ZNF182: variants seen among roughly 807,000 people sequenced by gnomAD.
ZNF182 encodes zinc finger protein 182, also known as zinc finger protein 21 (KOX 14).
In ZNF182, 10 loss-of-function variants were observed where a neutral mutation model predicts 28.1. That is an observed-to-expected ratio of 0.36 (90% CI 0.22 to 0.60). The LOEUF (loss-of-function observed/expected upper bound fraction) is 0.60, where lower values mean the gene tolerates loss of function less well. ZNF182 is among the 20% of genes least tolerant of loss of function. The pLI is 0.75. For missense variants in ZNF182, 352 were observed against 453.2 expected (o/e 0.78, Z 2.03); for synonymous variants, 156 against 158.7 (o/e 0.98, Z 0.13).
chrX:47,990,290 C>T (rs1421337507), intron 3 of ZNF182, among the ~76,000 whole-genome samples: 3 of 111,168 alleles, frequency 2.7e-5, no homozygotes, highest in African/African-American at 6.6e-5. Flanking sequence ...AAGAGACTGA[C>T]GGGCTTCTCA....
At chrX:47,984,451 GA>G (rs1295491143) in intron 3 of ZNF182, among the ~76,000 whole-genome samples, 7 of 110,995 alleles carry the variant, frequency 6.3e-5, no homozygotes, top group Non-Finnish European at 1.3e-4. Context: ...ATGTGCTCTA[GA>G]AAACAAATAT....
At chrX:47,981,067 TG>T (rs1356074370) in intron 5 of ZNF182, among the ~76,000 whole-genome samples, 2 of 112,225 alleles carry the variant, frequency 1.8e-5, no homozygotes, top group East Asian at 5.5e-4. Flanking sequence ...AAATTTGATT[TG>T]GAAATATTAA....
chrX:47,975,263 G>T lies in ZNF182; in HGVS notation c.*904C>A, dbSNP rs1339871255. 9.1e-6 allele frequency: 1 copy of T among 109,582 alleles called. No homozygotes were observed. Among genetic ancestry groups the T allele is most frequent in the Non-Finnish European group, 1.9e-5 (1 of 52,629 alleles). The allele number at this position is 109,582 out of a possible 1,213,427, so 9.0% of individuals were successfully genotyped here. On this transcript the variant is annotated 3_prime_UTR_variant, in exon 6 of 6. Transcript: ENST00000376943. Reference sequence around the variant, plus strand: ...TAGGGAACCAGAACCCTGATATGGTGTCATTTAAACAGCTTCCAATCTTTT... The same window carrying T: ...TAGGGAACCAGAACCCTGATATGGTTTCATTTAAACAGCTTCCAATCTTTT...
In ZNF182 at chrX:47,976,197, G is replaced by A. The variant is rs782726613; in HGVS notation, c.1833C>T (p.His611=). Residue 611 remains histidine, a synonymous_variant, in exon 6 of 6, where the codon CAC becomes CAT. Transcript: ENST00000376943. Reference sequence around the variant, plus strand: ...GTGCCATGAACTTTGACTTCCGAGTGTGGCCTCTTCCATGGGCTTTCTTTC... The same window carrying A: ...GTGCCATGAACTTTGACTTCCGAGTATGGCCTCTTCCATGGGCTTTCTTTC... ...HAGKKAHGRG[H]TRKSKFMAH is the part of the protein sequence containing the mutation. 1.7e-6 allele frequency: 2 copies of A among 1,162,953 alleles called. No individual in the cohort carries two copies. Among genetic ancestry groups the A allele is most frequent in the Admixed American group, 5.5e-5 (2 of 36,462 alleles).
At chrX:47,983,136 G>T in intron 4 of ZNF182, 98 bp from the exon 5 acceptor site, 1 of 1,102,145 alleles carries the variant, frequency 9.1e-7, no homozygotes. Flanking sequence ...TCTATTGCTT[G>T]ACATAATGGT....
In ZNF182 at chrX:47,976,185, T is replaced by C. The variant is rs1556898045; in HGVS notation, c.1845A>G (p.Ser615=). The C allele has an allele frequency of 1.7e-6, 2 of 1,155,735 alleles. No homozygotes were observed. The highest frequency in any genetic ancestry group is 4.2e-5 in the South Asian group (2 of 47,427). Reference sequence around the variant, plus strand: ...TAGCTCTCTAATGTGCCATGAACTTTGACTTCCGAGTGTGGCCTCTTCCAT... The same window carrying C: ...TAGCTCTCTAATGTGCCATGAACTTCGACTTCCGAGTGTGGCCTCTTCCAT... ...KAHGRGHTRK[S]KFMAH The change falls in exon 6 of 6, where the codon TCA becomes TCG. Residue 615 remains serine (S), a synonymous_variant. Transcript: ENST00000376943.
At chrX:47,986,326 T>C (rs1268823944) in intron 3 of ZNF182, among the ~76,000 whole-genome samples, 1 of 112,861 alleles carries the variant, frequency 8.9e-6, no homozygotes, top group African/African-American at 3.2e-5. Context: ...TGTCTGTGCA[T>C]GTTTACACCT....
intron 3 of ZNF182, among the ~76,000 whole-genome samples, chrX:47,984,029 T>C (rs2058915755): frequency 9.0e-6 from 1 of 111,702 alleles, no homozygotes; most frequent in Non-Finnish European, 1.9e-5. Flanking sequence ...CTGGCAATAT[T>C]CATGAGGGAT....
intron 5 of ZNF182, among the ~76,000 whole-genome samples, chrX:47,982,575 A>G (rs782271456): frequency 8.9e-6 from 1 of 112,357 alleles, no homozygotes; most frequent in South Asian, 3.7e-4. Flanking sequence ...AGGTTGTTCA[A>G]TCTGAAATTA....
At chrX:47,981,538 G>A (rs1556899097) in intron 5 of ZNF182, among the ~76,000 whole-genome samples, 2 of 112,598 alleles carry the variant, frequency 1.8e-5, no homozygotes, top group African/African-American at 3.2e-5. Flanking sequence ...CACTGAGCCT[G>A]TCTTTTCTGT....
chrX:47,999,565 G>T (rs1213434972), intron 3 of ZNF182, among the ~76,000 whole-genome samples: 1 of 109,553 alleles, frequency 9.1e-6, no homozygotes, highest in Non-Finnish European at 1.9e-5. Flanking sequence ...GGGAAGGGTT[G>T]CGGGGTGGGT....
intron 2 of ZNF182, among the ~76,000 whole-genome samples, chrX:48,002,993 G>A (rs1393768437): frequency 8.9e-6 from 1 of 111,796 alleles, no homozygotes; most frequent in Non-Finnish European, 1.9e-5. Context: ...AAACTTAAAC[G>A]ATCCTCTATG....
chrX:47,980,706 G>C (rs1415401587), intron 5 of ZNF182, among the ~76,000 whole-genome samples: 2 of 111,456 alleles, frequency 1.8e-5, no homozygotes, highest in Non-Finnish European at 3.8e-5. Context: ...TTTTAATAAA[G>C]GTTACCTATG....
chrX:47,997,757 G>A (rs1027973019), intron 3 of ZNF182, among the ~76,000 whole-genome samples: 8 of 109,813 alleles, frequency 7.3e-5, no homozygotes, highest in Admixed American at 1.9e-4. Context: ...GCACCACTAC[G>A]CTCCAGCCTG....
rs782469910 is a variant in ZNF182 at position 47,986,199 on chromosome X, A to G, written c.16-2788T>C. Among the ~76,000 whole-genome samples the G allele has an allele frequency of 3.7e-4, 42 of 112,696 alleles. 1 individual carries two copies. In the South Asian group the frequency reaches 0.015, roughly 41 times the overall value. ...GAGGTATTTGCTGAAGGCAAGGGGA[A>G]TACAGAATGGATAGTAGAAGAAGGA... On this transcript the variant is annotated intron_variant, in intron 3 of 5. Coordinates refer to ENST00000376943, the MANE Select transcript of ZNF182 (RefSeq NM_001007088.2).
intron 3 of ZNF182, among the ~76,000 whole-genome samples, chrX:47,999,518 AGTT>A (rs1283020716): frequency 9.6e-6 from 1 of 104,626 alleles, no homozygotes; most frequent in Non-Finnish European, 2.0e-5. Context: ...ATACAAGTAG[AGTT>A]GTTCTCATAG....
chrX:47,979,324 T>C (rs1284255711), intron 5 of ZNF182, among the ~76,000 whole-genome samples: 2 of 111,526 alleles, frequency 1.8e-5, no homozygotes, highest in Non-Finnish European at 3.8e-5. Context: ...TGAGGAACTT[T>C]TTACAAAATG....
At chrX:47,990,323 C>T (rs781911432) in intron 3 of ZNF182, among the ~76,000 whole-genome samples, 1 of 110,842 alleles carries the variant, frequency 9.0e-6, no homozygotes, top group Non-Finnish European at 1.9e-5. Context: ...TGGACAGGTA[C>T]TGGGCTACAC....
At chrX:47,992,313 GAC>G (rs782352322) in intron 3 of ZNF182, among the ~76,000 whole-genome samples, 8 of 111,805 alleles carry the variant, frequency 7.2e-5, no homozygotes, top group African/African-American at 2.3e-4. Context: ...AGTCACCTTT[GAC>G]ACAGTCTCCA....
Sources: gnomAD v4.1 joint callset for allele counts (sites outside exome capture counted in the v4.1 genomes callset) on GRCh38, gnomAD v4.1.1 for gene constraint, MANE v1.5 for transcripts, NCBI Gene and HGNC (gene_info 2026-07-23, HGNC 2026-07-21) for gene names.